The following EXT1 variants were observed in gnomAD, a reference collection of about 807,000 sequenced individuals.
EXT1 encodes the protein exostosin-1.
In EXT1, 20 loss-of-function variants were observed where a neutral mutation model predicts 82.5. That is an observed-to-expected ratio of 0.24 (90% CI 0.17 to 0.35). The LOEUF is 0.35. Among genes scored for constraint, EXT1 ranks in the 10% least tolerant of loss-of-function variants. The pLI, the probability that EXT1 is intolerant of heterozygous loss-of-function variation, is 1.00. For missense variants in EXT1, 757 were observed against 936.5 expected, an observed-to-expected ratio of 0.81 and a Z score of 2.50; for synonymous variants, 348 against 350.8, an observed-to-expected ratio of 0.99 and a Z score of 0.09.
intron 1 of EXT1, among the ~76,000 whole-genome samples, chr8:117,903,035 C>CA (rs1157698349): frequency 1.3e-5 from 2 of 152,208 alleles, no homozygotes; most frequent in African/African-American, 4.8e-5. Context: ...CCACAACCTA[C>CA]ACTGTCATAA....
intron 1 of EXT1, among the ~76,000 whole-genome samples, chr8:117,865,193 G>T (rs1812755009): frequency 6.6e-6 from 1 of 151,972 alleles, no homozygotes; most frequent in Admixed American, 6.5e-5. Context: ...TTTGAGACAG[G>T]GTCTTGCTTT....
At chr8:118,073,390 G>A (rs1466447170) in intron 1 of EXT1, among the ~76,000 whole-genome samples, 1 of 152,150 alleles carries the variant, frequency 6.6e-6, no homozygotes, top group African/African-American at 2.4e-5. Flanking sequence ...GGAGGCCAAG[G>A]TGGGCGGATC....
chr8:118,019,093 G>A (rs60734852), intron 1 of EXT1, among the ~76,000 whole-genome samples: 1,650 of 146,462 alleles, frequency 0.011, 35 homozygotes, highest in African/African-American at 0.038. Flanking sequence ...AGGAAAAAAA[G>A]AAAAAAAAAA....
At chr8:118,007,876 T>C (rs1815812051) in intron 1 of EXT1, among the ~76,000 whole-genome samples, 1 of 152,132 alleles carries the variant, frequency 6.6e-6, no homozygotes, top group South Asian at 2.1e-4. Flanking sequence ...TTCTAGAACA[T>C]TACCCAAGGG....
At chr8:118,080,053 A>G (rs1475525103) in intron 1 of EXT1, among the ~76,000 whole-genome samples, 1 of 152,202 alleles carries the variant, frequency 6.6e-6, no homozygotes, top group Non-Finnish European at 1.5e-5. Context: ...AAAAGGCAAA[A>G]GTGGTCTCTG....
At chr8:118,104,532 A>G (rs768061332) in intron 1 of EXT1, among the ~76,000 whole-genome samples, 4 of 152,230 alleles carry the variant, frequency 2.6e-5, no homozygotes, top group African/African-American at 4.8e-5. Context: ...TTACATGGCA[A>G]TAGCTACTTC....
At chr8:117,882,588 T>C in intron 1 of EXT1, among the ~76,000 whole-genome samples, 1 of 152,204 alleles carries the variant, frequency 6.6e-6, no homozygotes, top group East Asian at 1.9e-4. Context: ...TATGAAGCTG[T>C]AGGGGTACCC....
At chr8:117,898,518 T>C (rs1813384229) in intron 1 of EXT1, among the ~76,000 whole-genome samples, 1 of 152,220 alleles carries the variant, frequency 6.6e-6, no homozygotes, top group Non-Finnish European at 1.5e-5. Context: ...TTGAGAAGGC[T>C]CTTTTTGATT....
At chr8:117,887,415 G>A (rs534571447) in intron 1 of EXT1, among the ~76,000 whole-genome samples, 53 of 152,266 alleles carry the variant, frequency 3.5e-4, no homozygotes, top group East Asian at 2.5e-3. Flanking sequence ...GCAGTGGCAC[G>A]ATCTCATTTC....
chr8:117,798,152 C>A lies in EXT1; in HGVS notation c.*1560G>T, dbSNP rs1823111828. On this transcript the variant is annotated 3_prime_UTR_variant, in exon 11 of 11. Coordinates refer to ENST00000378204, the MANE Select transcript of EXT1 (RefSeq NM_000127.3). ...TACGGTTTCCACTGACCTAAGATGG[C>A]CACTTGAAATTATCAGAACAAAATT... is the stretch of plus-strand genomic sequence containing the variant. 1.3e-5 allele frequency: 2 copies of A among 152,136 alleles called. No homozygotes were observed. The highest frequency in any genetic ancestry group is 2.9e-5 in the Non-Finnish European group (2 of 68,022). The allele number at this position is 152,136 out of a possible 1,614,324, so 9.4% of individuals were successfully genotyped here. A position where few individuals can be genotyped will look rare whatever the true frequency, so the allele number is the denominator to read the frequency against.
At chr8:118,027,339 ACACACACAC>A (rs1179210375) in intron 1 of EXT1, among the ~76,000 whole-genome samples, 2 of 151,800 alleles carry the variant, frequency 1.3e-5, no homozygotes, top group Non-Finnish European at 2.9e-5. Context: ...ACACACACAC[ACACACACAC>A]ACACACAATC....
At chr8:117,841,676 A>T (rs751849544) in intron 1 of EXT1, among the ~76,000 whole-genome samples, 5 of 152,184 alleles carry the variant, frequency 3.3e-5, no homozygotes, top group Non-Finnish European at 7.3e-5. Context: ...AAGGTAGAAG[A>T]ATTTTCACAA....
At chr8:117,926,770 G>T (rs1386289492) in intron 1 of EXT1, among the ~76,000 whole-genome samples, 5 of 152,124 alleles carry the variant, frequency 3.3e-5, no homozygotes, top group Admixed American at 2.0e-4. Flanking sequence ...TATATAAAAG[G>T]CTTTGCCTAT....
intron 1 of EXT1, among the ~76,000 whole-genome samples, chr8:117,968,902 C>A (rs1814884094): frequency 6.6e-6 from 1 of 152,192 alleles, no homozygotes; most frequent in African/African-American, 2.4e-5. Flanking sequence ...AAATATTTGA[C>A]TGTAAACTAC....
intron 1 of EXT1, among the ~76,000 whole-genome samples, chr8:118,005,174 C>G (rs1423829648): frequency 6.6e-6 from 1 of 152,168 alleles, no homozygotes; most frequent in Non-Finnish European, 1.5e-5. Flanking sequence ...AAGGGCCCAG[C>G]CTCAGAGACC....
At chr8:118,074,974 T>C (rs1817180943) in intron 1 of EXT1, among the ~76,000 whole-genome samples, 2 of 152,138 alleles carry the variant, frequency 1.3e-5, no homozygotes, top group African/African-American at 4.8e-5. Context: ...CCAGTAGGTG[T>C]AGATACCAGT....
rs17479145 is a variant in EXT1, at chr8:117,807,480, G to C, written c.1723-103C>G. 0.098 allele frequency: 128,824 copies of C among 1,309,032 alleles called. 6,583 individuals carry two copies. The highest frequency in any genetic ancestry group is 0.18 in the East Asian group (7,312 of 41,114). 81.1% of individuals were successfully genotyped at this position (1,309,032 alleles called of 1,614,324 possible). On this transcript the variant is annotated intron_variant, in intron 8 of 10. Coordinates refer to ENST00000378204, the MANE Select transcript of EXT1 (RefSeq NM_000127.3). Reference sequence around the variant, plus strand: ...ATTCATAATGCAAAATCCGGGGACTGTGGCGAAACATTAATTCTATGTATT... The same window carrying C: ...ATTCATAATGCAAAATCCGGGGACTCTGGCGAAACATTAATTCTATGTATT...
At chr8:118,074,960 C>T (rs1441808525) in intron 1 of EXT1, among the ~76,000 whole-genome samples, 1 of 152,096 alleles carries the variant, frequency 6.6e-6, no homozygotes, top group African/African-American at 2.4e-5. Flanking sequence ...TATTCAGACC[C>T]GTGCCAGTAG....
chr8:117,815,279 C>G (rs938315958), intron 7 of EXT1, among the ~76,000 whole-genome samples: 8 of 152,152 alleles, frequency 5.3e-5, no homozygotes, highest in Admixed American at 1.3e-4. Context: ...TCAGCCAAAG[C>G]AGCAAATATA....
Sources: allele counts gnomAD v4.1 joint callset (sites outside exome capture counted in the v4.1 genomes callset), GRCh38; gene constraint gnomAD v4.1.1; transcripts MANE v1.5; gene names NCBI Gene and HGNC (gene_info 2026-07-23, HGNC 2026-07-21).